CHD1: variants seen among roughly 807,000 people sequenced by gnomAD.
The protein encoded by CHD1 is chromodomain helicase DNA binding protein 1, also known as ATP-dependent chromatin remodeler CHD1.
A neutral mutation model predicts 224.2 loss-of-function variants in CHD1; 36 were observed. The ratio of observed to expected loss-of-function variants is 0.16; its 90% CI spans 0.12 to 0.21. The LOEUF (loss-of-function observed/expected upper bound fraction) is 0.21. Among genes scored for constraint, CHD1 ranks in the 10% least tolerant of loss-of-function variants. CHD1 has a pLI of 1.00. For missense variants in CHD1, 1,378 were observed against 1,994.8 expected (o/e 0.69, Z 5.89); for synonymous variants, 668 against 658.3 (o/e 1.01, Z -0.23).
rs1337962802 is a variant in CHD1, at chr5:98,858,302, A to C, written c.4665T>G (p.Asp1555Glu). Residue 1555 changes from aspartate (D) to glutamate (E), a missense_variant, in exon 35 of 36, where the codon GAT becomes GAG. This residue lies in a region of CHD1 where 278 missense variants were observed against 298.5 expected (regional missense o/e 0.93). Coordinates refer to ENST00000614616, the MANE Select transcript of CHD1 (RefSeq NM_001270.4). ...CTCCCTGATGTCGGTCTTTATGATG[A>C]TCATGGTACTGAGTTAAGTGTCTAT... ...SSDRHLTQYH[D>E]HHKDRHQGDS... The C allele has an allele frequency of 6.2e-7, 1 of 1,613,214 alleles. No homozygotes were observed. The highest frequency in any genetic ancestry group is 1.7e-5 in the Admixed American group (1 of 60,004).
Position 98,926,526 on chromosome 5 carries a change from T to C in CHD1, c.-140A>G, listed in dbSNP as rs986378708. The C allele has an allele frequency of 2.2e-5, 10 of 445,128 alleles. No individual in the cohort carries two copies. Among genetic ancestry groups the C allele is most frequent in the Non-Finnish European group, 3.9e-5 (10 of 256,876 alleles). The allele number at this position is 445,128 out of a possible 1,614,324, so 27.6% of individuals were successfully genotyped here. A position where few individuals can be genotyped will look rare whatever the true frequency, so the allele number is the denominator to read the frequency against. On this transcript the variant is annotated 5_prime_UTR_variant, in exon 2 of 36. Coordinates refer to ENST00000614616, the MANE Select transcript of CHD1 (RefSeq NM_001270.4). ...GTCACAGGTTTTCTGGGACTCTCCT[T>C]TGATTCACCTAAAGAAAATATATTA... is the stretch of plus-strand genomic sequence containing the variant.
Position 98,887,903 on chromosome 5 carries a change from T to C in CHD1, c.2496+185A>G, listed in dbSNP as rs191979710. On this transcript the variant is annotated intron_variant, in intron 17 of 35. Transcript: ENST00000614616. ...AGGAAAGGAAGAAAAATTGTTTTGT[T>C]GCAATATGTAAAGTCAAGAAAAACC... Among the ~76,000 whole-genome samples, 397 of 152,242 alleles carry C rather than the reference T, an allele frequency of 2.6e-3. 3 individuals carry two copies. Among genetic ancestry groups the C allele is most frequent in the Non-Finnish European group, 2.9e-3 (198 of 67,996 alleles).
intron 18 of CHD1, among the ~76,000 whole-genome samples, chr5:98,884,370 A>G (rs1256394422): frequency 6.6e-6 from 1 of 152,098 alleles, no homozygotes; most frequent in Non-Finnish European, 1.5e-5. Flanking sequence ...CACCACGCCC[A>G]GCCTGGAGAC....
chr5:98,897,141 T>C (rs1053258452), intron 11 of CHD1, 52 bp downstream of exon 11: 4 of 1,540,026 alleles, frequency 2.6e-6, no homozygotes, highest in South Asian at 1.2e-5. Flanking sequence ...GAATCCTGTA[T>C]TGGTAAATTC....
At chr5:98,889,526 T>C (rs1398325672) in intron 15 of CHD1, among the ~76,000 whole-genome samples, 3 of 152,192 alleles carry the variant, frequency 2.0e-5, no homozygotes, top group African/African-American at 7.2e-5. Context: ...GTCAGCTGCA[T>C]TATTTATCTG....
intron 3 of CHD1, 106 bp downstream of exon 3, chr5:98,904,791 T>C: frequency 1.0e-6 from 1 of 994,558 alleles, no homozygotes; most frequent in Non-Finnish European, 1.5e-6. Context: ...TAATTTAAAA[T>C]GTTGTCTTCT....
rs1336037321 is a variant in CHD1, at chr5:98,892,553, T to A, written c.2152A>T (p.Met718Leu). 6.2e-7 allele frequency: 1 copy of A among 1,613,754 alleles called. No homozygotes were observed. Among genetic ancestry groups the A allele is most frequent in the Non-Finnish European group, 8.5e-7 (1 of 1,179,788 alleles). Residue 718 changes from methionine to leucine, a missense_variant, in exon 15 of 36, where the codon ATG becomes TTG. Around this residue, in one of 16 missense-constraint regions of CHD1, gnomAD observed 58 missense variants for 90.0 expected, o/e 0.64. Transcript: ENST00000614616. ...TAATATTGTTTCTGTAAAGCACTCATTTCCATTCTTAAAATCTGCTCAACC... is the reference window on the plus strand; with the variant it reads ...TAATATTGTTTCTGTAAAGCACTCAATTCCATTCTTAAAATCTGCTCAACC... ...AKVEQILRME[M>L]SALQKQYYKW...
intron 24 of CHD1, among the ~76,000 whole-genome samples, chr5:98,876,127 C>T (rs1035082346): frequency 6.6e-6 from 1 of 152,028 alleles, no homozygotes; most frequent in African/African-American, 2.4e-5. Flanking sequence ...TTTTATTATT[C>T]GAAAGGATCA....
chr5:98,872,013 A>C (rs1461214319), intron 28 of CHD1, 38 bp downstream of exon 28: 1 of 1,509,216 alleles, frequency 6.6e-7, no homozygotes, highest in Admixed American at 2.1e-5. Context: ...AATTAAATTC[A>C]ACATGAATGG....
At chr5:98,894,010 C>T (rs73776026) in intron 13 of CHD1, among the ~76,000 whole-genome samples, 7,973 of 152,164 alleles carry the variant, frequency 0.052, 612 homozygotes, top group African/African-American at 0.16. Flanking sequence ...ATTCTTTGTA[C>T]AACTTTTATG....
Position 98,898,287 on chromosome 5 carries a change from T to C in CHD1, c.1334A>G (p.Gln445Arg). The change falls in exon 10 of 36, where the codon CAA (glutamine) becomes CGA (arginine). Residue 445 changes from glutamine to arginine, a missense_variant. By Grantham distance (43) the Gln-to-Arg change is conservative (BLOSUM62 1). Coordinates refer to ENST00000614616, the MANE Select transcript of CHD1 (RefSeq NM_001270.4). ...ATCTTTAAAAGGAGTGGTTTTTGAT[T>C]GGTTCCTGCTAAAATACTCATCAAT... ...ACIDEYFSRN[Q>R]SKTTPFKDCK... The C allele has an allele frequency of 6.5e-7, 1 of 1,548,710 alleles. No homozygotes were observed. Among genetic ancestry groups the C allele is most frequent in the Non-Finnish European group, 8.7e-7 (1 of 1,149,898 alleles).
At chr5:98,876,366 C>G (rs1372572852) in intron 24 of CHD1, 32 bp downstream of exon 24, 2 of 1,597,844 alleles carry the variant, frequency 1.3e-6, no homozygotes, top group Non-Finnish European at 1.7e-6. Context: ...CTACTAAAAC[C>G]AAGTTGAAGC....
chr5:98,864,448 G>C (rs1242911906), intron 31 of CHD1, among the ~76,000 whole-genome samples: 2 of 150,512 alleles, frequency 1.3e-5, no homozygotes, highest in Non-Finnish European at 3.0e-5. Context: ...GGGAGGCTGA[G>C]GCGGGAGGAT....
rs757363038 is a variant in CHD1, at chr5:98,896,370, A to G, written c.1566T>C (p.Tyr522=). The change falls in exon 12 of 36, where the codon TAT becomes TAC. Residue 522 remains tyrosine, a synonymous_variant. Coordinates refer to ENST00000614616, the MANE Select transcript of CHD1 (RefSeq NM_001270.4). The part of the protein sequence containing the change: ...KTIQTISFLN[Y]LFHEHQLYGP... ...CATATAATTGATGTTCATGAAACAA[A>G]TAATTCAGAAATGAGATCGTCTGTA... 14 of 1,614,132 alleles carry G rather than the reference A, an allele frequency of 8.7e-6. No individual in the cohort carries two copies. The highest frequency in any genetic ancestry group is 7.7e-5 in the South Asian group (7 of 91,082).
intron 2 of CHD1, among the ~76,000 whole-genome samples, chr5:98,908,021 CTCTT>C (rs1258919060): frequency 1.4e-4 from 22 of 152,244 alleles, no homozygotes; most frequent in Admixed American, 4.6e-4. Context: ...GCTGCAAATG[CTCTT>C]TCTAAAATAA....
intron 30 of CHD1, chr5:98,869,408 G>A: frequency 6.5e-6 from 2 of 306,042 alleles, no homozygotes; most frequent in Non-Finnish European, 1.0e-5. Context: ...AATGATACAT[G>A]CAATGTTTAC....
chr5:98,887,884 G>A (rs549554744), intron 17 of CHD1, among the ~76,000 whole-genome samples: 1 of 152,124 alleles, frequency 6.6e-6, no homozygotes, highest in South Asian at 2.1e-4. Flanking sequence ...TCACAGGAAA[G>A]GAAGAAAAAT....
intron 2 of CHD1, among the ~76,000 whole-genome samples, chr5:98,922,855 G>T (rs1753194189): frequency 6.6e-6 from 1 of 152,124 alleles, no homozygotes; most frequent in Non-Finnish European, 1.5e-5. Flanking sequence ...TGGATGCAGT[G>T]GTGCATGCCT....
intron 34 of CHD1, chr5:98,858,718 C>A: frequency 2.4e-6 from 1 of 420,454 alleles, no homozygotes; most frequent in Non-Finnish European, 4.2e-6. Flanking sequence ...AACAGTCATT[C>A]TACAATTTCT....
Sources: gnomAD v4.1 joint callset for allele counts (sites outside exome capture counted in the v4.1 genomes callset) on GRCh38, gnomAD v4.1.1 for gene constraint, gnomAD v4.1.1 regional missense constraint, MANE v1.5 for transcripts, NCBI Gene and HGNC (gene_info 2026-07-23, HGNC 2026-07-21) for gene names.